Variants in TMEM74 observed in about 807,000 individuals in gnomAD.
The protein encoded by TMEM74 is transmembrane protein 74.
A neutral mutation model predicts 18.1 loss-of-function variants in TMEM74; 13 were observed. That is an observed-to-expected ratio of 0.72 (90% CI 0.47 to 1.14). The LOEUF (loss-of-function observed/expected upper bound fraction) is 1.14, where lower values mean the gene tolerates loss of function less well. TMEM74 is among the 50% of genes most tolerant of loss of function. The pLI, the probability that TMEM74 is intolerant of heterozygous loss-of-function variation, is 0.00. For synonymous variants in TMEM74, 159 were observed against 146.6 expected, an observed-to-expected ratio of 1.08 and a Z score of -0.61; for missense variants, 372 against 375.9, an observed-to-expected ratio of 0.99 and a Z score of 0.09.
intron 2 of TMEM74, among the ~76,000 whole-genome samples, chr8:108,637,568 A>G (rs1812619780): frequency 2.0e-5 from 3 of 152,128 alleles, no homozygotes; most frequent in Non-Finnish European, 4.4e-5. Flanking sequence ...GACAGAGACA[A>G]TTAAAGAGAT....
chr8:108,661,281 T>C (rs1812896825), intron 1 of TMEM74, among the ~76,000 whole-genome samples: 1 of 151,996 alleles, frequency 6.6e-6, no homozygotes, highest in Non-Finnish European at 1.5e-5. Context: ...AGCAGCTTTA[T>C]GCAGCCAAGA....
chr8:108,709,085 T>C (rs758240584), intron 1 of TMEM74, among the ~76,000 whole-genome samples: 1 of 152,174 alleles, frequency 6.6e-6, no homozygotes, highest in Non-Finnish European at 1.5e-5. Context: ...CGTGAGAATG[T>C]AAAATTTTGC....
chr8:108,622,347 C>G (rs1311480982), intron 2 of TMEM74, among the ~76,000 whole-genome samples: 1 of 152,068 alleles, frequency 6.6e-6, no homozygotes, highest in Non-Finnish European at 1.5e-5. Context: ...GATGAAGAGA[C>G]AGATTCAAAG....
chr8:108,626,645 A>G (rs1442403468), intron 2 of TMEM74: 1 of 152,084 alleles, frequency 6.6e-6, no homozygotes, highest in Non-Finnish European at 1.5e-5. Flanking sequence ...GATATGGAAG[A>G]TGGCTACACA....
intron 2 of TMEM74, among the ~76,000 whole-genome samples, chr8:108,644,591 C>A (rs1812697628): frequency 6.6e-6 from 1 of 152,076 alleles, no homozygotes; most frequent in Admixed American, 6.6e-5. Flanking sequence ...AAAACATTTG[C>A]AAACTATGCA....
intron 2 of TMEM74, among the ~76,000 whole-genome samples, chr8:108,632,453 T>C (rs1050407891): frequency 2.6e-5 from 4 of 152,032 alleles, no homozygotes; most frequent in Admixed American, 6.6e-5. Context: ...TATTTATCAT[T>C]AGAAAATGCA....
chr8:108,724,353 A>G (rs563949697), intron 1 of TMEM74, among the ~76,000 whole-genome samples: 15 of 152,292 alleles, frequency 9.8e-5, no homozygotes, highest in Non-Finnish European at 1.8e-4. Context: ...TTAATTGAGT[A>G]TCAACAGAAC....
In TMEM74 at chr8:108,784,129, T is replaced by G. The variant is rs1586297488; in HGVS notation, c.*52A>C. On this transcript the variant is annotated 3_prime_UTR_variant, in exon 2 of 2. Coordinates refer to ENST00000297459, the MANE Select transcript of TMEM74 (RefSeq NM_153015.3). ...ACTGTGAATTTTTATAAATTAACTT[T>G]TTTCATATTATAAAATGCCAAGGCA... 4.9e-6 allele frequency: 7 copies of G among 1,438,428 alleles called. No individual in the cohort carries two copies. In the East Asian group the frequency reaches 1.7e-4, roughly 34 times the overall value. 89.1% of individuals were successfully genotyped at this position (1,438,428 alleles called of 1,614,324 possible).
chr8:108,748,259 G>A (rs757263927), intron 1 of TMEM74, among the ~76,000 whole-genome samples: 1 of 152,062 alleles, frequency 6.6e-6, no homozygotes, highest in Non-Finnish European at 1.5e-5. Flanking sequence ...TAGCCATTCT[G>A]ACTGGCATGA....
intron 2 of TMEM74, among the ~76,000 whole-genome samples, chr8:108,651,234 A>G (rs1397060436): frequency 6.6e-6 from 1 of 152,204 alleles, no homozygotes; most frequent in African/African-American, 2.4e-5. Context: ...GGAATATAGT[A>G]GAACTTCAGT....
intron 1 of TMEM74, among the ~76,000 whole-genome samples, chr8:108,659,269 A>T (rs1039299875): frequency 1.3e-5 from 2 of 152,148 alleles, no homozygotes; most frequent in African/African-American, 4.8e-5. Flanking sequence ...ACACACACAT[A>T]CAGACACACA....
In TMEM74 at chr8:108,784,687, C is replaced by T; in HGVS notation, c.412G>A (p.Glu138Lys). 6.2e-7 allele frequency: 1 copy of T among 1,614,176 alleles called. No homozygotes were observed. The highest frequency in any genetic ancestry group is 8.5e-7 in the Non-Finnish European group (1 of 1,180,022). The change falls in exon 2 of 2, where the codon GAG becomes AAG. Residue 138 changes from glutamate to lysine, a missense_variant. Glu to Lys is a moderately conservative substitution (Grantham distance 56, BLOSUM62 1). Transcript: ENST00000297459. Reference sequence around the variant, plus strand: ...TCATTTGGATTTTCCCAGCCAAGCTCCCCAGGGTGATTATGCCCTTTTGCT... The same window carrying T: ...TCATTTGGATTTTCCCAGCCAAGCTTCCCAGGGTGATTATGCCCTTTTGCT... ...PSAKGHNHPG[E>K]LGWENPNEWS... is the part of the protein sequence containing the mutation.
chr8:108,774,169 G>A (rs926345139), downstream of TMEM74, among the ~76,000 whole-genome samples: 1 of 152,150 alleles, frequency 6.6e-6, no homozygotes, highest in South Asian at 2.1e-4. Flanking sequence ...ACTATAAGCA[G>A]GTCATACCTT....
At chr8:108,734,793 A>T (rs993496228) in intron 1 of TMEM74, among the ~76,000 whole-genome samples, 1 of 152,220 alleles carries the variant, frequency 6.6e-6, no homozygotes, top group Non-Finnish European at 1.5e-5. Context: ...GAGACTCTGC[A>T]GCCTTCTCAA....
intron 1 of TMEM74, among the ~76,000 whole-genome samples, chr8:108,768,363 AC>A (rs1366571382): frequency 2.6e-5 from 4 of 151,856 alleles, no homozygotes; most frequent in African/African-American, 9.7e-5. Context: ...TTATCTCTGG[AC>A]CCTTCCTAAT....
intron 1 of TMEM74, among the ~76,000 whole-genome samples, chr8:108,691,274 G>A (rs1497636): frequency 0.43 from 65,348 of 151,994 alleles, 14,291 homozygotes; most frequent in East Asian, 0.57. Flanking sequence ...AACCTGCCCC[G>A]TATGATGAAA....
intron 1 of TMEM74, among the ~76,000 whole-genome samples, chr8:108,711,089 A>T (rs1398201412): frequency 6.6e-6 from 1 of 152,194 alleles, no homozygotes; most frequent in African/African-American, 2.4e-5. Flanking sequence ...ATTCAAGGGC[A>T]AGGGAGAATT....
rs572659727 is a variant in TMEM74, at chr8:108,782,861, C to T, written c.*1320G>A. 2.0e-5 allele frequency among the ~76,000 whole-genome samples: 3 copies of T among 152,292 alleles called. No individual in the cohort carries two copies. In the East Asian group the frequency reaches 5.8e-4, roughly 29 times the overall value. ...TGCAAAATGTAAGGTATTTCTGAGG[C>T]TGCATTTCCCATCCCTTTTCTGAAC... On this transcript the variant is annotated 3_prime_UTR_variant, in exon 2 of 2. Transcript: ENST00000297459.
chr8:108,633,290 T>C (rs1343435125), intron 2 of TMEM74, among the ~76,000 whole-genome samples: 1 of 152,022 alleles, frequency 6.6e-6, no homozygotes, highest in African/African-American at 2.4e-5. Context: ...TACTAAGTTT[T>C]GAAGGGCAAG....
Sources: allele counts gnomAD v4.1 joint callset (sites outside exome capture counted in the v4.1 genomes callset), GRCh38; gene constraint gnomAD v4.1.1; transcripts MANE v1.5; gene names NCBI Gene and HGNC (gene_info 2026-07-23, HGNC 2026-07-21).